MYLK: variants seen among roughly 807,000 people sequenced by gnomAD.
The protein encoded by MYLK is myosin light chain kinase.
Under a neutral mutation model 203.4 loss-of-function variants are expected in MYLK, and 106 were observed. The ratio of observed to expected loss-of-function variants is 0.52; its 90% CI spans 0.45 to 0.61. The LOEUF (loss-of-function observed/expected upper bound fraction) is 0.61. Ranked by LOEUF, MYLK falls within the 20% of genes least tolerant of loss-of-function variation. The probability of loss-of-function intolerance (pLI) is 0.00; values close to 1 mark genes in which losing one functional copy is unlikely to be tolerated. For missense variants in MYLK, 2,072 were observed against 2,442.3 expected (o/e 0.85, Z 3.20); for synonymous variants, 867 against 959.5 (o/e 0.90, Z 1.78).
At chr3:123,731,044 G>A (rs182246459) in intron 11 of MYLK, among the ~76,000 whole-genome samples, 119 of 152,258 alleles carry the variant, frequency 7.8e-4, no homozygotes, top group Non-Finnish European at 1.2e-3. Context: ...AGCAGAAGAA[G>A]CCACAGGAGA....
At chr3:123,685,174 A>G (rs988184001) in intron 19 of MYLK, among the ~76,000 whole-genome samples, 2 of 152,218 alleles carry the variant, frequency 1.3e-5, no homozygotes, top group Middle Eastern at 3.2e-3. Context: ...ACTTGGGCAA[A>G]TAATTTAAAC....
intron 11 of MYLK, among the ~76,000 whole-genome samples, chr3:123,726,900 T>G (rs2062308512): frequency 6.6e-6 from 1 of 152,160 alleles, no homozygotes; most frequent in Admixed American, 6.5e-5. Context: ...GGAACTGGAT[T>G]TGGTGCTTAG....
At chr3:123,757,773 G>C (rs2063404028) in intron 4 of MYLK, among the ~76,000 whole-genome samples, 2 of 152,170 alleles carry the variant, frequency 1.3e-5, no homozygotes, top group South Asian at 4.1e-4. Flanking sequence ...CTTCTAGATG[G>C]ACATCTCCCC....
At position 123,716,866 on chromosome 3, in the gene MYLK, G is replaced by A. The variant is rs114506339; in HGVS notation, c.1804+5262C>T. ...CAAATTCTATGGCATGGGCACAAAC[G>A]TACATGTATATGCTCAGAAGTCTTT... On this transcript the variant is annotated intron_variant, in intron 13 of 33. Transcript: ENST00000360304. Among the ~76,000 whole-genome samples the A allele has an allele frequency of 7.0e-3, 1,068 of 152,226 alleles. 11 individuals carry two copies. The highest frequency in any genetic ancestry group is 0.024 in the African/African-American group (1,014 of 41,530).
chr3:123,696,990 G>A (rs569446112), intron 18 of MYLK, among the ~76,000 whole-genome samples: 19 of 152,300 alleles, frequency 1.2e-4, no homozygotes, highest in African/African-American at 4.3e-4. Context: ...GCCTGTCTTC[G>A]GGGCTTAGAT....
At chr3:123,734,921 G>C in intron 9 of MYLK, 1 of 245,294 alleles carries the variant, frequency 4.1e-6, no homozygotes, top group South Asian at 5.9e-5. Context: ...GTGCCTTCCT[G>C]TTGTCCTTCC....
intron 2 of MYLK, among the ~76,000 whole-genome samples, chr3:123,873,703 C>G (rs1365988247): frequency 6.6e-6 from 1 of 152,056 alleles, no homozygotes; most frequent in African/African-American, 2.4e-5. Flanking sequence ...TATATCCCAG[C>G]CTTTTAAATT....
At chr3:123,693,879 A>C (rs1054011085) in intron 18 of MYLK, among the ~76,000 whole-genome samples, 1 of 152,188 alleles carries the variant, frequency 6.6e-6, no homozygotes, top group Non-Finnish European at 1.5e-5. Flanking sequence ...CCCTGTTGTC[A>C]GGGAAGCAAC....
At chr3:123,810,812 G>GTACCA (rs2065533156) in intron 3 of MYLK, among the ~76,000 whole-genome samples, 1 of 152,226 alleles carries the variant, frequency 6.6e-6, no homozygotes, top group Non-Finnish European at 1.5e-5. Context: ...ACACCCTCCA[G>GTACCA]TTCCAGGTTG....
chr3:123,744,495 A>G (rs1463540055), intron 5 of MYLK, among the ~76,000 whole-genome samples: 1 of 152,250 alleles, frequency 6.6e-6, no homozygotes. Context: ...ACATAGCAAG[A>G]CAAGTTACAG....
chr3:123,756,668 C>T (rs191124191), intron 4 of MYLK, among the ~76,000 whole-genome samples: 13 of 152,272 alleles, frequency 8.5e-5, no homozygotes, highest in Non-Finnish European at 1.8e-4. Flanking sequence ...TCTAATCCTC[C>T]ATATGAGAAA....
chr3:123,638,651 G>T, intron 28 of MYLK: 2 of 597,722 alleles, frequency 3.3e-6, no homozygotes, highest in Non-Finnish European at 4.2e-6. Context: ...CCAGGGAAGT[G>T]CAGTGATTTC....
rs1464753921 is a variant in MYLK, at chr3:123,629,841, C to A, written c.4962-215G>T. 6 of 583,720 alleles carry A rather than the reference C, an allele frequency of 1.0e-5. No homozygotes were observed. Among genetic ancestry groups the A allele is most frequent in the African/African-American group, 1.9e-5 (1 of 53,550 alleles). 36.2% of individuals were successfully genotyped at this position (583,720 alleles called of 1,614,324 possible). ...CTTGGTCACCTGCCTCTTGACACCA[C>A]CTACCTGTGAGGCTGAGGTGCAGCA... On this transcript the variant is annotated intron_variant, in intron 29 of 33. Transcript: ENST00000360304. This position sits in a 1 kb window ranked among gnomAD's most constrained non-coding sequence, Gnocchi z 4.4.
rs577964913 is a variant in MYLK at position 123,639,336 on chromosome 3, C to T, written c.4837+951G>A. ...CTATCGGAACCTCGCCCCTGCTTACCCCTTTCCTCTTTATGACCAACACAG... is the reference window on the plus strand; with the variant it reads ...CTATCGGAACCTCGCCCCTGCTTACTCCTTTCCTCTTTATGACCAACACAG... On this transcript the variant is annotated intron_variant, in intron 28 of 33. Coordinates refer to ENST00000360304, the MANE Select transcript of MYLK (RefSeq NM_053025.4). Among the ~76,000 whole-genome samples the T allele has an allele frequency of 7.9e-5, 12 of 152,306 alleles. No individual in the cohort carries two copies. The South Asian group carries it at 2.5e-3, about 32-fold the overall frequency.
At chr3:123,828,426 C>A (rs1050593014) in intron 3 of MYLK, among the ~76,000 whole-genome samples, 1 of 151,994 alleles carries the variant, frequency 6.6e-6, no homozygotes. Context: ...ACTAGACCCC[C>A]CACCGCTCAT....
At chr3:123,865,836 G>A (rs1460950177) in intron 2 of MYLK, among the ~76,000 whole-genome samples, 1 of 152,156 alleles carries the variant, frequency 6.6e-6, no homozygotes, top group Non-Finnish European at 1.5e-5. Flanking sequence ...GCAACACTAT[G>A]TGACTTCTGA....
chr3:123,719,185 C>T (rs965899206), intron 13 of MYLK, among the ~76,000 whole-genome samples: 2 of 152,210 alleles, frequency 1.3e-5, no homozygotes, highest in African/African-American at 4.8e-5. Context: ...CTGCATCTGG[C>T]CTTTGGCACG....
intron 3 of MYLK, among the ~76,000 whole-genome samples, chr3:123,822,033 A>T (rs1041848697): frequency 2.0e-5 from 3 of 151,860 alleles, no homozygotes; most frequent in African/African-American, 7.3e-5. Context: ...TTTCTTATTT[A>T]AAAAAAAGTC....
chr3:123,768,787 C>T (rs16834753), intron 4 of MYLK, among the ~76,000 whole-genome samples: 2 of 152,186 alleles, frequency 1.3e-5, no homozygotes, highest in African/African-American at 2.4e-5. Flanking sequence ...TGTGTCCTTT[C>T]GAAACATCTT....
Sources: allele counts gnomAD v4.1 joint callset (sites outside exome capture counted in the v4.1 genomes callset), GRCh38; gene constraint gnomAD v4.1.1; non-coding constraint Gnocchi (gnomAD v3.1); transcripts MANE v1.5; gene names NCBI Gene and HGNC (gene_info 2026-07-23, HGNC 2026-07-21).